ADAMTS2: variants seen among roughly 807,000 people sequenced by gnomAD.
The protein encoded by ADAMTS2 is ADAM metallopeptidase with thrombospondin type 1 motif 2.
A neutral mutation model predicts 123.0 loss-of-function variants in ADAMTS2; 50 were observed. The observed-to-expected ratio is 0.41, with a 90% CI of 0.32 to 0.51. The LOEUF is 0.51. Among genes scored for constraint, ADAMTS2 ranks in the 20% least tolerant of loss-of-function variants. The pLI, the probability that ADAMTS2 is intolerant of heterozygous loss-of-function variation, is 0.35. For missense variants in ADAMTS2, 1,494 were observed against 1,705.2 expected (o/e 0.88, Z 2.18); for synonymous variants, 678 against 695.4 (o/e 0.98, Z 0.39).
At chr5:179,270,075 C>A (rs959219349) in intron 3 of ADAMTS2, among the ~76,000 whole-genome samples, 1 of 152,206 alleles carries the variant, frequency 6.6e-6, no homozygotes, top group Admixed American at 6.5e-5. Flanking sequence ...ACACACTCAT[C>A]CCTGGCCTGT....
rs188028648 is a variant in ADAMTS2 at position 179,140,257 on chromosome 5, C to T, written c.1630-222G>A. 9.2e-5 allele frequency among the ~76,000 whole-genome samples: 14 copies of T among 152,316 alleles called. 1 individual carries two copies. Among genetic ancestry groups the T allele is most frequent in the Admixed American group, 9.1e-4 (14 of 15,308 alleles). Reference sequence around the variant, plus strand: ...GTGAGGGGCTGGCCTGCCCTGCCTCCCGCTTGCTGACCCACCCTCCTGCCT... The same window carrying T: ...GTGAGGGGCTGGCCTGCCCTGCCTCTCGCTTGCTGACCCACCCTCCTGCCT... On this transcript the variant is annotated intron_variant, in intron 10 of 21. Coordinates refer to ENST00000251582, the MANE Select transcript of ADAMTS2 (RefSeq NM_014244.5).
chr5:179,154,297 C>T, intron 7 of ADAMTS2, 105 bp from the exon 8 acceptor site: 2 of 1,489,782 alleles, frequency 1.3e-6, no homozygotes, highest in Non-Finnish European at 1.8e-6. Flanking sequence ...CAACGGGCCT[C>T]CTGACCTTGG....
chr5:179,288,944 C>T (rs1448299650), intron 2 of ADAMTS2, among the ~76,000 whole-genome samples: 1 of 152,256 alleles, frequency 6.6e-6, no homozygotes, highest in Non-Finnish European at 1.5e-5. Flanking sequence ...TACCGCAGCA[C>T]AGCCCCGCCC....
intron 13 of ADAMTS2, among the ~76,000 whole-genome samples, chr5:179,135,209 C>T (rs1477464612): frequency 6.6e-6 from 1 of 151,916 alleles, no homozygotes; most frequent in Non-Finnish European, 1.5e-5. Flanking sequence ...TGTCCCTGCG[C>T]CCACTCCCCT....
At chr5:179,330,428 G>T (rs1757452211) in intron 2 of ADAMTS2, among the ~76,000 whole-genome samples, 3 of 152,226 alleles carry the variant, frequency 2.0e-5, no homozygotes, top group African/African-American at 7.2e-5. Flanking sequence ...AGCTGAGACT[G>T]CCCCAATCAG....
At chr5:179,245,961 C>A (rs1196603688) in intron 3 of ADAMTS2, among the ~76,000 whole-genome samples, 3 of 151,962 alleles carry the variant, frequency 2.0e-5, no homozygotes, top group Non-Finnish European at 4.4e-5. Context: ...AAATTCTGCC[C>A]CTCCACAAAA....
intron 4 of ADAMTS2, among the ~76,000 whole-genome samples, chr5:179,196,482 G>A (rs1036990362): frequency 9.2e-5 from 14 of 152,180 alleles, no homozygotes; most frequent in Admixed American, 9.2e-4. Context: ...CCGGAAACCT[G>A]CTCCTCCTGC....
At position 179,202,550 on chromosome 5, in the gene ADAMTS2, G is replaced by C. The variant is rs984984362; in HGVS notation, c.891+4963C>G. Among the ~76,000 whole-genome samples the C allele has an allele frequency of 6.6e-6, 1 of 152,186 alleles. No homozygotes were observed. Among genetic ancestry groups the C allele is most frequent in the African/African-American group, 2.4e-5 (1 of 41,448 alleles). On this transcript the variant is annotated intron_variant, in intron 4 of 21. Coordinates refer to ENST00000251582, the MANE Select transcript of ADAMTS2 (RefSeq NM_014244.5). This position sits in a 1 kb window ranked among gnomAD's most constrained non-coding sequence, Gnocchi z 4.0. ...TCCCTTCCCAGAATGCAAGGTAGCA[G>C]GGTTACGTCCTGTCATGCTCACAGC...
intron 2 of ADAMTS2, among the ~76,000 whole-genome samples, chr5:179,343,080 G>C (rs527247762): frequency 3.5e-4 from 54 of 152,296 alleles, no homozygotes; most frequent in African/African-American, 1.3e-3. Flanking sequence ...ACTTTTCAAA[G>C]AACCAGCTGG....
chr5:179,341,022 G>T (rs1581295752), intron 2 of ADAMTS2, among the ~76,000 whole-genome samples: 2 of 152,286 alleles, frequency 1.3e-5, no homozygotes, highest in African/African-American at 4.8e-5. Flanking sequence ...ATATTATTAT[G>T]AATAACTTCC....
intron 21 of ADAMTS2, 45 bp downstream of exon 21, chr5:179,121,616 G>A (rs556134423): frequency 8.6e-6 from 13 of 1,504,510 alleles, no homozygotes; most frequent in African/African-American, 6.9e-5. Flanking sequence ...AGGGCGCAGG[G>A]CATGCACTGG....
At chr5:179,211,203 G>A (rs1386151392) in intron 3 of ADAMTS2, among the ~76,000 whole-genome samples, 1 of 152,246 alleles carries the variant, frequency 6.6e-6, no homozygotes, top group Admixed American at 6.5e-5. Context: ...CTGCTGAGCT[G>A]TGGTGACTGG....
At chr5:179,274,743 T>C (rs567891984) in intron 2 of ADAMTS2, among the ~76,000 whole-genome samples, 2 of 152,200 alleles carry the variant, frequency 1.3e-5, no homozygotes, top group African/African-American at 4.8e-5. Flanking sequence ...TAGCCTCAAG[T>C]GTAGCGAGGG....
At chr5:179,243,706 A>G (rs1263872462) in intron 3 of ADAMTS2, among the ~76,000 whole-genome samples, 1 of 152,264 alleles carries the variant, frequency 6.6e-6, no homozygotes, top group Non-Finnish European at 1.5e-5. Flanking sequence ...CCCAGATGTC[A>G]GATGTAACAG....
At chr5:179,134,785 TCCCGGCTCCAG>T (rs1763025678) in intron 13 of ADAMTS2, among the ~76,000 whole-genome samples, 1 of 54,656 alleles carries the variant, frequency 1.8e-5, no homozygotes, top group Non-Finnish European at 3.3e-5. Context: ...ATCCCCCAGC[TCCCGGCTCCAG>T]CCCCCAGCTC....
In ADAMTS2 at chr5:179,164,353, C is replaced by A. The variant is rs149414554; in HGVS notation, c.976-5474G>T. On this transcript the variant is annotated intron_variant, in intron 5 of 21. Coordinates refer to ENST00000251582, the MANE Select transcript of ADAMTS2 (RefSeq NM_014244.5). ...GCATTCTTAAAACAGCCCTTTGGGT[C>A]AGTGAGGAAGGAGTGGGGATAGAAG... is the stretch of plus-strand genomic sequence containing the variant. 1.8e-3 allele frequency among the ~76,000 whole-genome samples: 271 copies of A among 152,274 alleles called. 4 individuals are homozygous for A. The highest frequency in any genetic ancestry group is 6.4e-3 in the African/African-American group (264 of 41,562).
intron 3 of ADAMTS2, among the ~76,000 whole-genome samples, chr5:179,238,871 C>T (rs1424413244): frequency 6.6e-6 from 1 of 152,130 alleles, no homozygotes; most frequent in African/African-American, 2.4e-5. Flanking sequence ...TGACCACGGA[C>T]CGCCCCAGGA....
In ADAMTS2 at chr5:179,124,958, CG is replaced by C. The variant is rs755404765; in HGVS notation, c.2958+14del. On this transcript the variant is annotated intron_variant, in intron 19 of 21. Coordinates refer to ENST00000251582, the MANE Select transcript of ADAMTS2 (RefSeq NM_014244.5). ...AGTTTTGGAGCTGAGGACACGGGAT[CG>C]GGGGATTGCGTACCTGGGACCAGGG... 9 of 1,598,816 alleles carry C rather than the reference CG, an allele frequency of 5.6e-6. No individual in the cohort carries two copies. The Admixed American group carries it at 7.0e-5, about 12-fold the overall frequency.
At chr5:179,336,855 C>G (rs1179695714) in intron 2 of ADAMTS2, among the ~76,000 whole-genome samples, 2 of 152,220 alleles carry the variant, frequency 1.3e-5, no homozygotes, top group Admixed American at 1.3e-4. Context: ...TAGGCCCCTG[C>G]CTTCCCTGGG....
Sources: gnomAD v4.1 joint callset for allele counts (sites outside exome capture counted in the v4.1 genomes callset) on GRCh38, gnomAD v4.1.1 for gene constraint, Gnocchi (gnomAD v3.1) non-coding constraint, MANE v1.5 for transcripts, NCBI Gene and HGNC (gene_info 2026-07-23, HGNC 2026-07-21) for gene names.